The following BMP5 variants were observed in gnomAD, a reference collection of about 807,000 sequenced individuals.
BMP5 encodes bone morphogenetic protein 5.
Under a neutral mutation model 46.6 loss-of-function variants are expected in BMP5, and 23 were observed. That is an observed-to-expected ratio of 0.49 (90% confidence interval 0.35 to 0.70). BMP5 has a LOEUF of 0.70. BMP5 is among the 30% of genes least tolerant of loss of function. The pLI is 0.00. For synonymous variants in BMP5, 204 were observed against 191.9 expected (o/e 1.06, Z -0.52); for missense variants, 545 against 565.6 (o/e 0.96, Z 0.37).
At chr6:55,759,665 G>A (rs1774716856) in intron 5 of BMP5, among the ~76,000 whole-genome samples, 1 of 151,514 alleles carries the variant, frequency 6.6e-6, no homozygotes. Context: ...TTAACTTTAT[G>A]GTCTCTTTAG....
chr6:55,796,148 T>C (rs548002781), intron 2 of BMP5, among the ~76,000 whole-genome samples: 6 of 152,200 alleles, frequency 3.9e-5, no homozygotes, highest in Admixed American at 6.5e-5. Flanking sequence ...TGGGAAATAC[T>C]TGAGTGCTAC....
At chr6:55,798,533 G>A (rs1775770417) in intron 2 of BMP5, among the ~76,000 whole-genome samples, 1 of 152,022 alleles carries the variant, frequency 6.6e-6, no homozygotes, top group Non-Finnish European at 1.5e-5. Context: ...TCTTGATTGT[G>A]ATATAGATCA....
chr6:55,820,990 A>G (rs1340480416), intron 1 of BMP5, among the ~76,000 whole-genome samples: 3 of 152,214 alleles, frequency 2.0e-5, no homozygotes, highest in African/African-American at 7.2e-5. Flanking sequence ...GTATTGTACA[A>G]GTGGTATTAA....
intron 1 of BMP5, among the ~76,000 whole-genome samples, chr6:55,844,414 A>T (rs895020246): frequency 2.0e-5 from 3 of 152,064 alleles, no homozygotes; most frequent in African/African-American, 7.2e-5. Context: ...AAGATATAGT[A>T]TCATAAAGCT....
chr6:55,761,451 T>C (rs954541688), intron 4 of BMP5, among the ~76,000 whole-genome samples: 1 of 152,078 alleles, frequency 6.6e-6, no homozygotes, highest in African/African-American at 2.4e-5. Context: ...CTTTACATTT[T>C]GGTCTTATTA....
chr6:55,800,800 C>A (rs868678902), intron 2 of BMP5, among the ~76,000 whole-genome samples: 1 of 152,126 alleles, frequency 6.6e-6, no homozygotes, highest in African/African-American at 2.4e-5. Context: ...AAAGAGAAAT[C>A]AAATAATTTT....
chr6:55,776,635 A>T (rs6459105), intron 3 of BMP5, among the ~76,000 whole-genome samples: 30,209 of 151,820 alleles, frequency 0.2, 3,174 homozygotes, highest in Non-Finnish European at 0.23. Context: ...ACTTGTATAC[A>T]TTGATGACTG....
chr6:55,833,811 T>C (rs1397680603), intron 1 of BMP5, among the ~76,000 whole-genome samples: 1 of 152,166 alleles, frequency 6.6e-6, no homozygotes, highest in African/African-American at 2.4e-5. Flanking sequence ...GGATATCCCA[T>C]GTTCAATCAT....
At chr6:55,797,188 C>T (rs929299204) in intron 2 of BMP5, among the ~76,000 whole-genome samples, 1 of 152,158 alleles carries the variant, frequency 6.6e-6, no homozygotes, top group Admixed American at 6.5e-5. Flanking sequence ...AAGTCCCCCC[C>T]AACCCCATTC....
At chr6:55,788,692 T>G (rs2127526824) in intron 3 of BMP5, among the ~76,000 whole-genome samples, 1 of 152,022 alleles carries the variant, frequency 6.6e-6, no homozygotes, top group Non-Finnish European at 1.5e-5. Flanking sequence ...TGTGAGGTAA[T>G]TACTATCACA....
intron 3 of BMP5, among the ~76,000 whole-genome samples, chr6:55,788,028 T>G (rs1441701656): frequency 6.6e-6 from 1 of 151,634 alleles, no homozygotes; most frequent in Non-Finnish European, 1.5e-5. Flanking sequence ...TATTTGATCT[T>G]GTGTTCTATG....
chr6:55,824,703 G>C (rs888862724), intron 1 of BMP5, among the ~76,000 whole-genome samples: 4 of 142,076 alleles, frequency 2.8e-5, no homozygotes, highest in Non-Finnish European at 5.9e-5. Context: ...AGAATAGAAA[G>C]AGTGTTTAGT....
rs138829054 is a variant in BMP5, at chr6:55,794,828, A to G, written c.684-401T>C. Among the ~76,000 whole-genome samples, 509 of 152,308 alleles carry G rather than the reference A, an allele frequency of 3.3e-3. 2 individuals carry two copies. Among genetic ancestry groups the G allele is most frequent in the African/African-American group, 0.012 (479 of 41,582 alleles). The stretch of plus-strand genomic sequence containing the variant: ...CAGTTTGGATGAATGTGAATTCTCA[A>G]ATGAATGGAACACAGGCAGGATGTA... On this transcript the variant is annotated intron_variant, in intron 2 of 6. Coordinates refer to ENST00000370830, the MANE Select transcript of BMP5 (RefSeq NM_021073.4).
At chr6:55,773,495 C>CTGTGTG (rs10555940) in intron 4 of BMP5, among the ~76,000 whole-genome samples, 2 of 148,192 alleles carry the variant, frequency 1.3e-5, no homozygotes, top group Admixed American at 6.8e-5. Context: ...TGTTGAAAGA[C>CTGTGTG]TGTGTGTGTG....
intron 1 of BMP5, among the ~76,000 whole-genome samples, chr6:55,836,210 T>C (rs578147588): frequency 6.6e-6 from 1 of 152,318 alleles, no homozygotes; most frequent in African/African-American, 2.4e-5. Flanking sequence ...AATTGAGTAC[T>C]AAAAACACAT....
chr6:55,816,017 A>G (rs1776254260), intron 2 of BMP5, among the ~76,000 whole-genome samples: 1 of 152,130 alleles, frequency 6.6e-6, no homozygotes, highest in South Asian at 2.1e-4. Flanking sequence ...AATTGTGATC[A>G]ATGTAAAATT....
At chr6:55,856,889 T>C (rs564616939) in intron 1 of BMP5, among the ~76,000 whole-genome samples, 67 of 152,282 alleles carry the variant, frequency 4.4e-4, no homozygotes, top group African/African-American at 1.4e-3. Flanking sequence ...TATTATGCAG[T>C]ATTAATTTTA....
In BMP5 at chr6:55,874,959, A is replaced by G; in HGVS notation, c.-94T>C. The G allele has an allele frequency of 6.8e-7, 1 of 1,469,968 alleles. No homozygotes were observed. The allele number at this position is 1,469,968 out of a possible 1,614,324, so 91.1% of individuals were successfully genotyped here. A position where few individuals can be genotyped will look rare whatever the true frequency, so the allele number is the denominator to read the frequency against. ...GTTCTAGGAGGTACAGTTTCCCAGTAGCTGAAAAAACAAATTTACCTATTT... is the reference window on the plus strand; with the variant it reads ...GTTCTAGGAGGTACAGTTTCCCAGTGGCTGAAAAAACAAATTTACCTATTT... On this transcript the variant is annotated 5_prime_UTR_variant, in exon 1 of 7. Transcript: ENST00000370830.
chr6:55,812,770 T>C (rs534310067), intron 2 of BMP5, among the ~76,000 whole-genome samples: 1 of 152,326 alleles, frequency 6.6e-6, no homozygotes, highest in African/African-American at 2.4e-5. Context: ...TCCACTTTAG[T>C]TCTTTAAGAA....
Sources: gnomAD v4.1 joint callset for allele counts (sites outside exome capture counted in the v4.1 genomes callset) on GRCh38, gnomAD v4.1.1 for gene constraint, MANE v1.5 for transcripts, NCBI Gene and HGNC (gene_info 2026-07-23, HGNC 2026-07-21) for gene names.